Variants in UTRN observed in about 807,000 individuals in gnomAD.
The protein encoded by UTRN is dystrophin-related protein 1.
UTRN carries 283 observed loss-of-function variants against 463.9 expected under a neutral mutation model. That is an observed-to-expected ratio of 0.61 (90% CI 0.55 to 0.67). The LOEUF is 0.67. Ranked by LOEUF, UTRN falls within the 30% of genes least tolerant of loss-of-function variation. The probability of loss-of-function intolerance (pLI) is 0.00; values close to 1 mark genes in which losing one functional copy is unlikely to be tolerated. For missense variants in UTRN, 3,922 were observed against 4,084.3 expected (o/e 0.96, Z 1.08); for synonymous variants, 1,442 against 1,431.5 (o/e 1.01, Z -0.17).
rs774821579 is a variant in UTRN at position 144,447,278 on chromosome 6, A to G, written c.1682A>G (p.Lys561Arg). Reference protein sequence around the residue: ...ALNKVQTSNFKDQKELSVSVR... With the variant: ...ALNKVQTSNFRDQKELSVSVR... ...AATAAAGTCCAGACAAGCAACTTCAAAGACCAAAAGGAACTAAGTGTCAGT... is the reference window on the plus strand; with the variant it reads ...AATAAAGTCCAGACAAGCAACTTCAGAGACCAAAAGGAACTAAGTGTCAGT... The change falls in exon 15 of 75, where the codon AAA (lysine) becomes AGA (arginine). Residue 561 changes from lysine (K) to arginine (R), a missense_variant. Physicochemically the swap from Lys to Arg is conservative, Grantham distance 26 (BLOSUM62 2). Transcript: ENST00000367545. 4 of 1,613,984 alleles carry G rather than the reference A, an allele frequency of 2.5e-6. No individual in the cohort carries two copies. The highest frequency in any genetic ancestry group is 1.1e-5 in the South Asian group (1 of 91,060).
At chr6:144,368,143 G>A (rs1186106608) in intron 2 of UTRN, among the ~76,000 whole-genome samples, 1 of 152,120 alleles carries the variant, frequency 6.6e-6, no homozygotes, top group Admixed American at 6.5e-5. Context: ...TAAGCTTGTT[G>A]CTACTTTCCC....
intron 33 of UTRN, among the ~76,000 whole-genome samples, chr6:144,498,987 T>G (rs1346451869): frequency 6.6e-6 from 1 of 152,164 alleles, no homozygotes; most frequent in Admixed American, 6.5e-5. Flanking sequence ...ACCAATCTTT[T>G]GAGGGCTATA....
At chr6:144,368,493 A>C (rs952154854) in intron 2 of UTRN, among the ~76,000 whole-genome samples, 7 of 152,122 alleles carry the variant, frequency 4.6e-5, no homozygotes, top group Non-Finnish European at 7.4e-5. Context: ...CATGATAAGC[A>C]TGGCTGGGTG....
intron 53 of UTRN, 112 bp from the exon 54 acceptor site, chr6:144,730,245 G>A (rs1303434427): frequency 8.4e-7 from 1 of 1,187,572 alleles, no homozygotes; most frequent in African/African-American, 1.6e-5. Context: ...TGAAATGCTT[G>A]CTATTAGTCA....
intron 66 of UTRN, among the ~76,000 whole-genome samples, chr6:144,821,309 T>C (rs747604101): frequency 6.6e-6 from 1 of 152,150 alleles, no homozygotes; most frequent in Non-Finnish European, 1.5e-5. Flanking sequence ...CTTTTCTTTT[T>C]AAAAACACTT....
intron 51 of UTRN, among the ~76,000 whole-genome samples, chr6:144,593,747 A>G (rs1585450968): frequency 6.6e-6 from 1 of 152,206 alleles, no homozygotes; most frequent in East Asian, 1.9e-4. Flanking sequence ...ATAAATGTCT[A>G]CAAAGTTCAT....
chr6:144,824,587 TA>T lies in UTRN; in HGVS notation c.9495-2760del, dbSNP rs1250740101. ...AGCATTTTATTTATATATATATATA[TA>T]TATATATATATATATATATATATAT... On this transcript the variant is annotated intron_variant, in intron 66 of 74. Transcript: ENST00000367545. Among the ~76,000 whole-genome samples, 225 of 38,452 alleles carry T rather than the reference TA, an allele frequency of 5.9e-3. 7 individuals are homozygous for T. Among genetic ancestry groups the T allele is most frequent in the African/African-American group, 0.032 (213 of 6,664 alleles). The allele number at this position is 38,452 out of a possible 152,430, so 25.2% of individuals were successfully genotyped here. A position where few individuals can be genotyped will look rare whatever the true frequency, so the allele number is the denominator to read the frequency against.
chr6:144,373,039 G>T (rs1780140350), intron 2 of UTRN, among the ~76,000 whole-genome samples: 1 of 152,178 alleles, frequency 6.6e-6, no homozygotes, highest in African/African-American at 2.4e-5. Flanking sequence ...GCAAGGATGT[G>T]GGAAAATTAG....
intron 2 of UTRN, among the ~76,000 whole-genome samples, chr6:144,357,285 ATATGT>A (rs1191838201): frequency 6.6e-6 from 1 of 152,110 alleles, no homozygotes. Context: ...CCGCACGATG[ATATGT>A]TATTAGTATT....
chr6:144,344,430 A>G, intron 2 of UTRN: 1 of 1,111,846 alleles, frequency 9.0e-7, no homozygotes, highest in Non-Finnish European at 1.2e-6. Flanking sequence ...TGACGGGAAC[A>G]GACAGCCTGT....
chr6:144,544,030 C>T (rs1173201000), intron 46 of UTRN, among the ~76,000 whole-genome samples: 2 of 152,106 alleles, frequency 1.3e-5, no homozygotes, highest in African/African-American at 2.4e-5. Context: ...TTTATAAAAT[C>T]GTCATGGGTT....
chr6:144,622,829 C>CT (rs1775571540), intron 51 of UTRN, among the ~76,000 whole-genome samples: 1 of 152,204 alleles, frequency 6.6e-6, no homozygotes, highest in Non-Finnish European at 1.5e-5. Flanking sequence ...TGGAAAGTGA[C>CT]TGTCACTCTC....
At chr6:144,316,519 C>T (rs1455571619) in intron 2 of UTRN, among the ~76,000 whole-genome samples, 1 of 152,148 alleles carries the variant, frequency 6.6e-6, no homozygotes, top group African/African-American at 2.4e-5. Context: ...GAGTCTTAGC[C>T]AAAGTCAATG....
At chr6:144,764,481 TATTGCATTA>T (rs1215411399) in intron 58 of UTRN, among the ~76,000 whole-genome samples, 1 of 152,220 alleles carries the variant, frequency 6.6e-6, no homozygotes, top group Admixed American at 6.5e-5. Flanking sequence ...TACCCAACTC[TATTGCATTA>T]TAGTGACACC....
At chr6:144,488,641 G>A (rs369439281) in intron 29 of UTRN, 32 bp from the exon 30 acceptor site, 27 of 1,602,792 alleles carry the variant, frequency 1.7e-5, no homozygotes, top group Admixed American at 1.0e-4. Context: ...TTTGTGTTGG[G>A]CAACTAATGA....
At chr6:144,801,358 G>A (rs1777681542) in intron 64 of UTRN, among the ~76,000 whole-genome samples, 1 of 151,944 alleles carries the variant, frequency 6.6e-6, no homozygotes, top group African/African-American at 2.4e-5. Flanking sequence ...GTAAAATGGG[G>A]TCCAGTTGGA....
At chr6:144,600,197 A>G (rs1459970499) in intron 51 of UTRN, among the ~76,000 whole-genome samples, 1 of 152,192 alleles carries the variant, frequency 6.6e-6, no homozygotes, top group East Asian at 1.9e-4. Context: ...AGACCAGTTA[A>G]TATCCTTACA....
intron 17 of UTRN, among the ~76,000 whole-genome samples, chr6:144,450,940 C>T (rs1411375535): frequency 6.6e-6 from 1 of 152,090 alleles, no homozygotes; most frequent in African/African-American, 2.4e-5. Flanking sequence ...TGGTGAAACT[C>T]TGTCTCTACT....
chr6:144,604,826 A>G (rs927967664), intron 51 of UTRN, among the ~76,000 whole-genome samples: 3 of 152,094 alleles, frequency 2.0e-5, no homozygotes, highest in Non-Finnish European at 4.4e-5. Flanking sequence ...GAGGCAGGAG[A>G]ATCACTTGAA....
Sources: allele counts gnomAD v4.1 joint callset (sites outside exome capture counted in the v4.1 genomes callset), GRCh38; gene constraint gnomAD v4.1.1; transcripts MANE v1.5; gene names NCBI Gene and HGNC (gene_info 2026-07-23, HGNC 2026-07-21).